MUC17: variants seen among roughly 807,000 people sequenced by gnomAD.
The protein encoded by MUC17 is mucin 17, cell surface associated, also known as mucin-17.
MUC17 carries 190 observed loss-of-function variants against 170.3 expected under a neutral mutation model. That is an observed-to-expected ratio of 1.12 (90% CI 0.99 to 1.26). The LOEUF (loss-of-function observed/expected upper bound fraction) is 1.26. Among genes scored for constraint, MUC17 ranks in the 50% most tolerant of loss-of-function variants. MUC17 has a pLI of 0.00. For synonymous variants in MUC17, 2,325 were observed against 2,002.5 expected, an observed-to-expected ratio of 1.16 and a Z score of -4.30; for missense variants, 6,415 against 5,530.0, an observed-to-expected ratio of 1.16 and a Z score of -5.08.
Position 101,034,214 on chromosome 7 carries a change from C to A in MUC17, c.2798C>A (p.Thr933Asn), listed in dbSNP as rs542016354. Reference protein sequence around the residue: ...STPLTSMPDSTTPVVSSEART... With the variant: ...STPLTSMPDSNTPVVSSEART... ...CCATTAACAAGTATGCCTGACAGCA[C>A]CACGCCGGTAGTCAGTTCTGAGGCT... Residue 933 changes from threonine to asparagine, a missense_variant, in exon 3 of 13, where the codon ACC becomes AAC. Transcript: ENST00000306151. 20 of 1,601,310 alleles carry A rather than the reference C, an allele frequency of 1.2e-5. No individual in the cohort carries two copies. The highest frequency in any genetic ancestry group is 1.0e-4 in the Admixed American group (6 of 58,974).
At position 101,043,632 on chromosome 7, in the gene MUC17, T is replaced by C. The variant is rs140815831; in HGVS notation, c.12216T>C (p.Ser4072=). The change falls in exon 3 of 13, where the codon AGT becomes AGC. Residue 4072 remains serine (S), a synonymous_variant. Coordinates refer to ENST00000306151, the MANE Select transcript of MUC17 (RefSeq NM_001040105.2). ...IPPTFPPAHS[S]TPPTTSASST... Reference sequence around the variant, plus strand: ...CTACATTTCCTCCTGCTCACTCCAGTACACCTCCAACAACCTCTGCCTCCT... The same window carrying C: ...CTACATTTCCTCCTGCTCACTCCAGCACACCTCCAACAACCTCTGCCTCCT... 6 of 1,614,078 alleles carry C rather than the reference T, an allele frequency of 3.7e-6. No homozygotes were observed. The highest frequency in any genetic ancestry group is 3.3e-5 in the South Asian group (3 of 91,076).
Position 101,042,094 on chromosome 7 carries a change from ACT to A in MUC17, c.10681_10682del (p.Leu3561SerfsTer12). ...SSSQASSSPA[T>X]LQVTTMRMST... ...TAGTCAAGCCAGTTCATCTCCAGCAACTCTTCAGGTCACCACTATGCGTATGT... is the reference window on the plus strand; with the variant it reads ...TAGTCAAGCCAGTTCATCTCCAGCAACTTCAGGTCACCACTATGCGTATGT... On this transcript the variant is annotated frameshift_variant, in exon 3 of 13. Coordinates refer to ENST00000306151, the MANE Select transcript of MUC17 (RefSeq NM_001040105.2). LOFTEE classifies it high-confidence loss of function. The A allele has an allele frequency of 6.2e-7, 1 of 1,613,962 alleles. No homozygotes were observed. Among genetic ancestry groups the A allele is most frequent in the Non-Finnish European group, 8.5e-7 (1 of 1,180,002 alleles).
intron 5 of MUC17, among the ~76,000 whole-genome samples, 153 bp from the exon 6 acceptor site, chr7:101,049,171 G>A (rs1562822435): frequency 6.6e-6 from 1 of 152,212 alleles, no homozygotes; most frequent in Non-Finnish European, 1.5e-5. Context: ...GGCCCCTGGG[G>A]TGGAGCAGGT....
At chr7:101,053,903 A>T (rs909905086) in intron 11 of MUC17, among the ~76,000 whole-genome samples, 6 of 150,036 alleles carry the variant, frequency 4.0e-5, no homozygotes, top group Non-Finnish European at 7.4e-5. Flanking sequence ...AAGAAAAAAA[A>T]TTTTAAATTA....
Position 101,040,465 on chromosome 7 carries a change from C to T in MUC17, c.9049C>T (p.Pro3017Ser), listed in dbSNP as rs1191560737. 6.2e-7 allele frequency: 1 copy of T among 1,612,300 alleles called. No individual in the cohort carries two copies. Among genetic ancestry groups the T allele is most frequent in the Non-Finnish European group, 8.5e-7 (1 of 1,179,278 alleles). Residue 3017 changes from proline (P) to serine (S), a missense_variant, in exon 3 of 13, where the codon CCT (proline) becomes TCT (serine). Transcript: ENST00000306151. ...LSRTPADTSTPVTTSTEASSS... is the reference protein window; with the variant it reads ...LSRTPADTSTSVTTSTEASSS... ...AAGAACTCCTGCTGACACCAGCACA[C>T]CTGTGACCACTTCTACTGAAGCCAG...
In MUC17 at chr7:101,041,139, C is replaced by A. The variant is rs1275851069; in HGVS notation, c.9723C>A (p.Ile3241=). ...NTPVASSEAS[I]LSTTPVDSNT... The stretch of plus-strand genomic sequence containing the variant: ...CGGTGGCCAGTTCTGAGGCTAGCAT[C>A]CTTTCAACAACTCCTGTTGACTCCA... The change falls in exon 3 of 13, where the codon ATC becomes ATA. Residue 3241 remains isoleucine (I), a synonymous_variant. Transcript: ENST00000306151. 1.9e-6 allele frequency: 3 copies of A among 1,613,486 alleles called. No individual in the cohort carries two copies. Among genetic ancestry groups the A allele is most frequent in the African/African-American group, 2.7e-5 (2 of 74,778 alleles).
rs748766534 is a variant in MUC17 at position 101,036,416 on chromosome 7, A to G, written c.5000A>G (p.Glu1667Gly). ...DSNSPVITST[E>G]VSSSPTPAEG... Reference sequence around the variant, plus strand: ...AACAGTCCTGTGATCACTTCTACTGAAGTCAGTTCATCTCCTACACCTGCT... The same window carrying G: ...AACAGTCCTGTGATCACTTCTACTGGAGTCAGTTCATCTCCTACACCTGCT... Residue 1667 changes from glutamate (E) to glycine (G), a missense_variant, in exon 3 of 13, where the codon GAA becomes GGA. Transcript: ENST00000306151. The G allele has an allele frequency of 3.7e-6, 6 of 1,608,842 alleles. No individual in the cohort carries two copies. The South Asian group carries it at 6.6e-5, about 18-fold the overall frequency.
At chr7:101,047,180 T>G (rs1584874452) in intron 3 of MUC17, among the ~76,000 whole-genome samples, 1 of 151,902 alleles carries the variant, frequency 6.6e-6, no homozygotes, top group East Asian at 1.9e-4. Flanking sequence ...TAAAAAAGAA[T>G]CAGAATGAGT....
rs75312831 is a variant in MUC17, at chr7:101,034,732, G to T, written c.3316G>T (p.Val1106Leu). The T allele has an allele frequency of 6.4e-7, 1 of 1,566,402 alleles. No individual in the cohort carries two copies. The highest frequency in any genetic ancestry group is 8.6e-7 in the Non-Finnish European group (1 of 1,160,202). ...YSEGSTPLTS[V>L]PVSTRLVVSS... ...TGAAGGAAGCACTCCACTAACAAGT[G>T]TGCCTGTCAGCACCAGGCTGGTGGT... The change falls in exon 3 of 13, where the codon GTG becomes TTG. Residue 1106 changes from valine (V) to leucine (L), a missense_variant. Val to Leu is a conservative substitution (Grantham distance 32, BLOSUM62 1). Transcript: ENST00000306151.
rs550300233 is a variant in MUC17, at chr7:101,032,876, C to T, written c.1460C>T (p.Thr487Ile). The T allele has an allele frequency of 4.1e-5, 66 of 1,613,238 alleles. No homozygotes were observed. Among genetic ancestry groups the T allele is most frequent in the Non-Finnish European group, 5.6e-5 (66 of 1,179,862 alleles). Reference sequence around the variant, plus strand: ...TCCAAAACTCAGGTGACCACTTCTACTGAAGCCAGTTCATCTCCTCCAACT... The same window carrying T: ...TCCAAAACTCAGGTGACCACTTCTATTGAAGCCAGTTCATCTCCTCCAACT... ...VDSKTQVTTS[T>I]EASSSPPTAE... Residue 487 changes from threonine (T) to isoleucine (I), a missense_variant, in exon 3 of 13, where the codon ACT becomes ATT. Thr to Ile is a moderately conservative substitution (Grantham distance 89, BLOSUM62 -1). Transcript: ENST00000306151.
In MUC17 at chr7:101,058,771, T is replaced by C. The variant is rs867165337; in HGVS notation, c.*727T>C. ...ATTGTGGGTATTTTTTAAGTTCTTA[T>C]TGTTATGAGTTCTGATTTTTTCCTT... On this transcript the variant is annotated 3_prime_UTR_variant, in exon 13 of 13. Transcript: ENST00000306151. 2.0e-5 allele frequency: 3 copies of C among 152,196 alleles called. No individual in the cohort carries two copies. The highest frequency in any genetic ancestry group is 4.4e-5 in the Non-Finnish European group (3 of 68,020). 9.4% of individuals were successfully genotyped at this position (152,196 alleles called of 1,614,324 possible).
At chr7:101,054,057 CAAAAAAAAAAAAAAAAAA>C (rs58623975) in intron 11 of MUC17, among the ~76,000 whole-genome samples, 37 of 40,386 alleles carry the variant, frequency 9.2e-4, no homozygotes, top group East Asian at 3.8e-3. Context: ...AAGACCCTGT[CAAAAAAAAAAAAAAAAAA>C]AAAAAAAAAA....
chr7:101,035,873 T>C lies in MUC17; in HGVS notation c.4457T>C (p.Val1486Ala), dbSNP rs1481622758. 1 of 1,606,626 alleles carries C rather than the reference T, an allele frequency of 6.2e-7. No individual in the cohort carries two copies. Among genetic ancestry groups the C allele is most frequent in the Non-Finnish European group, 8.5e-7 (1 of 1,175,698 alleles). Residue 1486 changes from valine (V) to alanine (A), a missense_variant, in exon 3 of 13, where the codon GTG becomes GCG. Physicochemically the swap from Val to Ala is moderately conservative, Grantham distance 64. Transcript: ENST00000306151. ...ACTCCTGTTGACTCTAACAGTCCTG[T>C]GGTCACTTCTACAGCAGTCAGTTCA... ...STTPVDSNSP[V>A]VTSTAVSSSP...
intron 1 of MUC17, among the ~76,000 whole-genome samples, chr7:101,029,184 A>G (rs1794232641): frequency 7.0e-6 from 1 of 142,456 alleles, no homozygotes; most frequent in South Asian, 2.5e-4. Context: ...GCAAAACTAC[A>G]TCTCAAAAAA....
rs1445325988 is a variant in MUC17 at position 101,020,227 on chromosome 7, C to T, written c.82+10C>T. ...GCTGCTGCAGAACAGGGTGAGTGAC[C>T]CCCACGCCCCGCTGCCCAAGAGGCC... On this transcript the variant is annotated intron_variant, in intron 1 of 12. Transcript: ENST00000306151. The T allele has an allele frequency of 1.9e-6, 3 of 1,601,806 alleles. No individual in the cohort carries two copies. Among genetic ancestry groups the T allele is most frequent in the Non-Finnish European group, 2.6e-6 (3 of 1,174,802 alleles).
chr7:101,037,589 G>A lies in MUC17; in HGVS notation c.6173G>A (p.Ser2058Asn), dbSNP rs756881574. The A allele has an allele frequency of 4.3e-6, 7 of 1,613,772 alleles. No individual in the cohort carries two copies. Among genetic ancestry groups the A allele is most frequent in the Non-Finnish European group, 5.9e-6 (7 of 1,179,876 alleles). ...CCTGTCAGCACTACGCTTGTGGTCA[G>A]TTCTGAGGGTAACACCCTTTCAACA... ...GMPVSTTLVV[S>N]SEGNTLSTTP... Residue 2058 changes from serine to asparagine, a missense_variant, in exon 3 of 13, where the codon AGT (serine) becomes AAT (asparagine). By Grantham distance (46) the Ser-to-Asn change is conservative. Transcript: ENST00000306151.
chr7:101,049,006 C>T (rs1225356571), intron 5 of MUC17, 34 bp downstream of exon 5: 8 of 1,613,648 alleles, frequency 5.0e-6, no homozygotes, highest in Non-Finnish European at 6.8e-6. Context: ...CATAGCTACT[C>T]AGTTCCCCCC....
Position 101,034,303 on chromosome 7 carries a change from T to G in MUC17, c.2887T>G (p.Ser963Ala), listed in dbSNP as rs781387379. 6.2e-7 allele frequency: 1 copy of G among 1,610,076 alleles called. No homozygotes were observed. Among genetic ancestry groups the G allele is most frequent in the South Asian group, 1.1e-5 (1 of 90,260 alleles). ...TGTGACCACTTCTACTGAAGCCACT[T>G]CATCTCCTACAACTGCTGAAGGTAC... ...TPVTTSTEATSSPTTAEGTSI... is the reference protein window; with the variant it reads ...TPVTTSTEATASPTTAEGTSI... The change falls in exon 3 of 13, where the codon TCA (serine) becomes GCA (alanine). Residue 963 changes from serine (S) to alanine (A), a missense_variant. Physicochemically the swap from Ser to Ala is moderately conservative, Grantham distance 99. Transcript: ENST00000306151.
At chr7:101,046,347 G>A (rs1213567289) in intron 3 of MUC17, among the ~76,000 whole-genome samples, 2 of 152,144 alleles carry the variant, frequency 1.3e-5, no homozygotes, top group South Asian at 2.1e-4. Context: ...CAGGCACAGC[G>A]AGTTTCAAGA....
Sources: allele counts gnomAD v4.1 joint callset (sites outside exome capture counted in the v4.1 genomes callset), GRCh38; gene constraint gnomAD v4.1.1; transcripts MANE v1.5; gene names NCBI Gene and HGNC (gene_info 2026-07-23, HGNC 2026-07-21).